Variants in OR51E2 observed in about 807,000 individuals in gnomAD.
OR51E2 encodes olfactory receptor 51E2.
In OR51E2, 14 loss-of-function variants were observed where a neutral mutation model predicts 13.7. The ratio of observed to expected loss-of-function variants is 1.02; its 90% CI spans 0.68 to 1.60. The LOEUF (loss-of-function observed/expected upper bound fraction) is 1.60, where lower values mean the gene tolerates loss of function less well. OR51E2 is among the 40% of genes most tolerant of loss of function. OR51E2 has a pLI of 0.00. For synonymous variants in OR51E2, 180 were observed against 157.6 expected, an observed-to-expected ratio of 1.14 and a Z score of -1.07; for missense variants, 483 against 413.8, an observed-to-expected ratio of 1.17 and a Z score of -1.45.
intron 1 of OR51E2, among the ~76,000 whole-genome samples, chr11:4,683,140 C>A (rs929212629): frequency 1.3e-5 from 2 of 152,158 alleles, no homozygotes; most frequent in African/African-American, 2.4e-5. Flanking sequence ...TCCCTCCCCC[C>A]ACTTTCTTTC....
In OR51E2 at chr11:4,682,570, C is replaced by A. The variant is rs201945969; in HGVS notation, c.142G>T (p.Val48Leu). Residue 48 changes from valine (V) to leucine (L), a missense_variant, in exon 2 of 2, where the codon GTA (valine) becomes TTA (leucine). Val to Leu is a conservative substitution (Grantham distance 32, BLOSUM62 1). Coordinates refer to ENST00000396950, the MANE Select transcript of OR51E2 (RefSeq NM_030774.4). Reference protein sequence around the residue: ...MFGNCIVVFIVRTERSLHAPM... With the variant: ...MFGNCIVVFILRTERSLHAPM... ...GCGTGCAGGCTGCGTTCCGTCCTTA[C>A]GATGAAGACCACGATGCAGTTTCCA... 15 of 1,613,968 alleles carry A rather than the reference C, an allele frequency of 9.3e-6. No homozygotes were observed. The highest frequency in any genetic ancestry group is 1.7e-5 in the Admixed American group (1 of 59,996).
At position 4,681,889 on chromosome 11, in the gene OR51E2, T is replaced by A. The variant is rs202045404; in HGVS notation, c.823A>T (p.Met275Leu). ...GGCAGCAGCAGGTAGATGTCACCCA[T>A]GACAACACGCACAATGGGATGAAGG... Reference protein sequence around the residue: ...NSLHPIVRVVMGDIYLLLPPV... With the variant: ...NSLHPIVRVVLGDIYLLLPPV... Residue 275 changes from methionine (M) to leucine (L), a missense_variant, in exon 2 of 2, where the codon ATG becomes TTG. By Grantham distance (15) the Met-to-Leu change is conservative. Coordinates refer to ENST00000396950, the MANE Select transcript of OR51E2 (RefSeq NM_030774.4). 3.1e-6 allele frequency: 5 copies of A among 1,614,128 alleles called. No homozygotes were observed. Among genetic ancestry groups the A allele is most frequent in the Non-Finnish European group, 4.2e-6 (5 of 1,180,020 alleles).
At chr11:4,693,596 C>A (rs1345277680) in intron 1 of OR51E2, among the ~76,000 whole-genome samples, 1 of 152,120 alleles carries the variant, frequency 6.6e-6, no homozygotes, top group African/African-American at 2.4e-5. Context: ...TGGCGGGCGC[C>A]TGTAGTTCCA....
intron 1 of OR51E2, among the ~76,000 whole-genome samples, chr11:4,689,873 A>G (rs1847556435): frequency 6.6e-6 from 1 of 151,512 alleles, no homozygotes; most frequent in Admixed American, 6.6e-5. Flanking sequence ...TTTGACTGAA[A>G]ATTTCTAGAG....
intron 1 of OR51E2, among the ~76,000 whole-genome samples, chr11:4,694,488 G>GTATA (rs370623953): frequency 2.1e-5 from 3 of 142,000 alleles, no homozygotes; most frequent in Admixed American, 7.2e-5. Flanking sequence ...ATATATACGT[G>GTATA]TATATATATA....
Position 4,681,105 on chromosome 11 carries a change from A to C in OR51E2, c.*644T>G, listed in dbSNP as rs1847444743. ...AGTGGTTCACACCTGTAATCCCAACACTTTGGGAGGCTGAGGCGGGTGGAT... is the reference window on the plus strand; with the variant it reads ...AGTGGTTCACACCTGTAATCCCAACCCTTTGGGAGGCTGAGGCGGGTGGAT... On this transcript the variant is annotated 3_prime_UTR_variant, in exon 2 of 2. Transcript: ENST00000396950. The C allele has an allele frequency of 6.4e-6, 1 of 155,998 alleles. No individual in the cohort carries two copies. The highest frequency in any genetic ancestry group is 2.0e-4 in the South Asian group (1 of 5,042). The allele number at this position is 155,998 out of a possible 1,614,324, so 9.7% of individuals were successfully genotyped here.
At chr11:4,684,949 G>A (rs12223580) in intron 1 of OR51E2, 6,680 of 152,262 alleles carry the variant, frequency 0.044, 235 homozygotes, top group African/African-American at 0.093. Flanking sequence ...CTGTGGATGG[G>A]ACACAAGGGC....
chr11:4,692,732 C>A (rs1365730385), intron 1 of OR51E2, among the ~76,000 whole-genome samples: 4 of 151,658 alleles, frequency 2.6e-5, no homozygotes, highest in Non-Finnish European at 5.9e-5. Flanking sequence ...AGAAAGGGTG[C>A]TGGGTGGCTG....
chr11:4,681,762 A>C lies in OR51E2; in HGVS notation c.950T>G (p.Val317Gly). ...KISCDKDLQA[V>G]GGK The stretch of plus-strand genomic sequence containing the variant: ...TAGTGTTAAGGGTCACTTGCCTCCC[A>C]CAGCCTGCAAGTCCTTGTCACAGCT... The change falls in exon 2 of 2, where the codon GTG (valine) becomes GGG (glycine). Residue 317 changes from valine to glycine, a missense_variant. Val to Gly is a moderately radical substitution (Grantham distance 109, BLOSUM62 -3). Transcript: ENST00000396950. 1 of 1,613,928 alleles carries C rather than the reference A, an allele frequency of 6.2e-7. No individual in the cohort carries two copies. Among genetic ancestry groups the C allele is most frequent in the Non-Finnish European group, 8.5e-7 (1 of 1,179,788 alleles).
intron 1 of OR51E2, among the ~76,000 whole-genome samples, chr11:4,696,763 A>G (rs928617135): frequency 1.3e-5 from 2 of 152,152 alleles, no homozygotes; most frequent in Non-Finnish European, 2.9e-5. Flanking sequence ...TCGGATTACA[A>G]TGATGCTCCT....
intron 1 of OR51E2, among the ~76,000 whole-genome samples, chr11:4,695,434 T>C (rs150835692): frequency 6.6e-6 from 1 of 152,204 alleles, no homozygotes; most frequent in African/African-American, 2.4e-5. Context: ...ATATATTGAA[T>C]AGTTTTCATA....
In OR51E2 at chr11:4,682,521, A is replaced by T; in HGVS notation, c.191T>A (p.Met64Lys). ...TAAGGCCAGGTCAATGGCTGCAAGC[A>T]TGCAGAGAAAGAGGTACATCGGAGC... ...LHAPMYLFLC[M>K]LAAIDLALST... Residue 64 changes from methionine (M) to lysine (K), a missense_variant, in exon 2 of 2, where the codon ATG becomes AAG. Physicochemically the swap from Met to Lys is moderately conservative, Grantham distance 95. Transcript: ENST00000396950. 1 of 1,614,244 alleles carries T rather than the reference A, an allele frequency of 6.2e-7. No individual in the cohort carries two copies. Among genetic ancestry groups the T allele is most frequent in the Non-Finnish European group, 8.5e-7 (1 of 1,180,038 alleles).
intron 1 of OR51E2, among the ~76,000 whole-genome samples, chr11:4,694,360 G>A (rs1019882738): frequency 3.3e-5 from 5 of 151,268 alleles, no homozygotes; most frequent in Admixed American, 1.3e-4. Flanking sequence ...TCCTTCCTAC[G>A]TTCACGCTGG....
chr11:4,684,563 G>A (rs1399024466), intron 1 of OR51E2, among the ~76,000 whole-genome samples: 1 of 152,140 alleles, frequency 6.6e-6, no homozygotes, highest in Non-Finnish European at 1.5e-5. Context: ...ACACAGGGAC[G>A]TATATTTACT....
chr11:4,688,463 G>A (rs1394920271), intron 1 of OR51E2, among the ~76,000 whole-genome samples: 1 of 152,126 alleles, frequency 6.6e-6, no homozygotes, highest in South Asian at 2.1e-4. Context: ...GTGAATCACT[G>A]GCAGAGTAGT....
chr11:4,684,393 G>T (rs1324262068), intron 1 of OR51E2, among the ~76,000 whole-genome samples: 1 of 151,802 alleles, frequency 6.6e-6, no homozygotes, highest in Non-Finnish European at 1.5e-5. Context: ...GTCATAGCTT[G>T]GGGAAGGGGA....
At chr11:4,697,111 CTG>C (rs1348128244) in intron 1 of OR51E2, among the ~76,000 whole-genome samples, 1 of 152,210 alleles carries the variant, frequency 6.6e-6, no homozygotes. Flanking sequence ...GGTAAAGACA[CTG>C]AGTATCAGAA....
chr11:4,689,217 A>G (rs1465373543), intron 1 of OR51E2, among the ~76,000 whole-genome samples: 1 of 152,274 alleles, frequency 6.6e-6, no homozygotes. Flanking sequence ...TTGTTGTCAA[A>G]CAGGCTGAGG....
chr11:4,696,318 A>C (rs561610495), intron 1 of OR51E2, among the ~76,000 whole-genome samples: 2 of 152,142 alleles, frequency 1.3e-5, no homozygotes, highest in South Asian at 4.2e-4. Context: ...ACGACATCGA[A>C]CTCTAGTAAA....
Sources: gnomAD v4.1 joint callset for allele counts (sites outside exome capture counted in the v4.1 genomes callset) on GRCh38, gnomAD v4.1.1 for gene constraint, MANE v1.5 for transcripts, NCBI Gene and HGNC (gene_info 2026-07-23, HGNC 2026-07-21) for gene names.